The following PRKX variants were observed in gnomAD, a reference collection of about 807,000 sequenced individuals.
The protein encoded by PRKX is protein kinase cAMP-dependent X-linked catalytic subunit, also known as cAMP-dependent protein kinase catalytic subunit PRKX.
Under a neutral mutation model 22.0 loss-of-function variants are expected in PRKX, and 12 were observed. That is an observed-to-expected ratio of 0.54 (90% CI 0.35 to 0.88). The LOEUF (loss-of-function observed/expected upper bound fraction) is 0.88, where lower values mean the gene tolerates loss of function less well. Ranked by LOEUF, PRKX falls within the 40% of genes least tolerant of loss-of-function variation. The pLI is 0.01. For missense variants in PRKX, 217 were observed against 308.0 expected, an observed-to-expected ratio of 0.70 and a Z score of 2.21; for synonymous variants, 134 against 137.7, an observed-to-expected ratio of 0.97 and a Z score of 0.19.
intron 1 of PRKX, among the ~76,000 whole-genome samples, chrX:3,678,762 C>T (rs1308536870): frequency 8.9e-6 from 1 of 111,838 alleles, no homozygotes; most frequent in East Asian, 2.8e-4. Context: ...GGTAGATCTT[C>T]CCCGCTTGGT....
intron 3 of PRKX, among the ~76,000 whole-genome samples, chrX:3,647,806 C>T (rs1456009897): frequency 9.2e-6 from 1 of 109,121 alleles, no homozygotes; most frequent in African/African-American, 3.3e-5. Context: ...TCAACCCTCC[C>T]TACCGTCCAC....
chrX:3,663,457 CACACACACACAA>C (rs1191983652), intron 2 of PRKX, among the ~76,000 whole-genome samples: 2 of 79,758 alleles, frequency 2.5e-5, no homozygotes, highest in East Asian at 4.7e-4. Flanking sequence ...CACACACACA[CACACACACACAA>C]AAAAATTCAA....
intron 7 of PRKX, 113 bp from the exon 8 acceptor site, chrX:3,612,438 A>G (rs1926317020): frequency 1.2e-6 from 1 of 859,909 alleles, no homozygotes; most frequent in African/African-American, 2.0e-5. Flanking sequence ...ATGATTTGCA[A>G]AACACTAAAG....
chrX:3,687,685 T>C (rs1194942597), intron 1 of PRKX, among the ~76,000 whole-genome samples: 1 of 108,060 alleles, frequency 9.3e-6, no homozygotes, highest in African/African-American at 3.4e-5. Context: ...TCCCAGGGGC[T>C]AAAAAAAAAC....
chrX:3,634,920 C>T (rs1012648387), intron 4 of PRKX, among the ~76,000 whole-genome samples: 5 of 111,168 alleles, frequency 4.5e-5, no homozygotes, highest in African/African-American at 1.6e-4. Flanking sequence ...CCCAGGCTGG[C>T]CTCCAACTCC....
chrX:3,693,960 GAAAAGAA>G (rs1928392284), intron 1 of PRKX, among the ~76,000 whole-genome samples: 1 of 92,069 alleles, frequency 1.1e-5, no homozygotes, highest in African/African-American at 4.1e-5. Flanking sequence ...AAAAAAAAAA[GAAAAGAA>G]AATAGGGTCT....
At chrX:3,674,843 G>T in intron 1 of PRKX, 77 bp from the exon 2 acceptor site, 6 of 1,120,103 alleles carry the variant, frequency 5.4e-6, no homozygotes, top group East Asian at 3.0e-5. Flanking sequence ...TGCAATCAGC[G>T]GGGGGCTGCA....
chrX:3,664,645 AAT>A (rs1224022425), intron 2 of PRKX, among the ~76,000 whole-genome samples: 2 of 112,424 alleles, frequency 1.8e-5, no homozygotes, highest in African/African-American at 6.5e-5. Context: ...TAAAAAATAA[AAT>A]CATGTCTTTT....
chrX:3,610,586 A>C (rs1429851793), intron 8 of PRKX, among the ~76,000 whole-genome samples: 2 of 111,372 alleles, frequency 1.8e-5, no homozygotes, highest in Non-Finnish European at 3.8e-5. Context: ...ATACTTTCTC[A>C]ACAATGCATA....
At chrX:3,622,143 C>CA (rs199698914) in intron 5 of PRKX, among the ~76,000 whole-genome samples, 129 of 103,178 alleles carry the variant, frequency 1.3e-3, no homozygotes, top group South Asian at 7.1e-3. Context: ...GAGTCAGTCT[C>CA]AAAAAAAAAC....
intron 8 of PRKX, among the ~76,000 whole-genome samples, chrX:3,609,254 A>C (rs1228642996): frequency 1.8e-5 from 2 of 111,082 alleles, no homozygotes. Context: ...CTCCGCCTCC[A>C]TGTTCAAGTG....
At chrX:3,642,841 A>G (rs1196107090) in intron 3 of PRKX, among the ~76,000 whole-genome samples, 1 of 107,489 alleles carries the variant, frequency 9.3e-6, no homozygotes, top group Non-Finnish European at 1.9e-5. Flanking sequence ...TCTACTAAAA[A>G]TACAAAATTA....
chrX:3,630,905 G>T (rs989183850), intron 4 of PRKX, among the ~76,000 whole-genome samples: 3 of 111,741 alleles, frequency 2.7e-5, no homozygotes, highest in Non-Finnish European at 5.6e-5. Context: ...TCATCAACCA[G>T]TAAGTGTATA....
chrX:3,659,596 C>T (rs922058914), intron 2 of PRKX: 1 of 110,604 alleles, frequency 9.0e-6, no homozygotes, highest in Admixed American at 9.7e-5. Flanking sequence ...CACCTGTGTC[C>T]CACCTCTCCA....
chrX:3,642,109 A>C lies in PRKX; in HGVS notation c.600-138T>G, dbSNP rs147505062. 5.6e-4 allele frequency: 428 copies of C among 759,619 alleles called. 1 individual carries two copies. The African/African-American group carries it at 8.2e-3, about 15-fold the overall frequency. The allele number at this position is 759,619 out of a possible 1,213,427, so 62.6% of individuals were successfully genotyped here. Reference sequence around the variant, plus strand: ...TTTACCCTCCTGTGCACATATTTTAATGTGTAAAGACAGTAACATTGTTTT... The same window carrying C: ...TTTACCCTCCTGTGCACATATTTTACTGTGTAAAGACAGTAACATTGTTTT... On this transcript the variant is annotated intron_variant, in intron 3 of 8. Coordinates refer to ENST00000262848, the MANE Select transcript of PRKX (RefSeq NM_005044.5).
chrX:3,699,042 T>A (rs1425261754), intron 1 of PRKX, among the ~76,000 whole-genome samples: 4 of 104,763 alleles, frequency 3.8e-5, no homozygotes, highest in African/African-American at 1.5e-4. Flanking sequence ...ATTTTTATTT[T>A]ATTTTTTTTT....
intron 1 of PRKX, among the ~76,000 whole-genome samples, chrX:3,692,591 G>A (rs866562141): frequency 1.5e-4 from 16 of 104,519 alleles, no homozygotes; most frequent in Admixed American, 4.2e-4. Context: ...GCAGTGGCGC[G>A]ATCTCAGCTC....
chrX:3,688,873 A>T (rs1348608552), intron 1 of PRKX, among the ~76,000 whole-genome samples: 2 of 84,621 alleles, frequency 2.4e-5, no homozygotes, highest in South Asian at 4.9e-4. Context: ...CCATCTGTTT[A>T]AAAAAAAAAA....
At chrX:3,622,340 A>T (rs1926574926) in intron 5 of PRKX, among the ~76,000 whole-genome samples, 1 of 110,996 alleles carries the variant, frequency 9.0e-6, no homozygotes, top group Admixed American at 9.7e-5. Context: ...TATGTATAAT[A>T]ACATACATAA....
Sources: gnomAD v4.1 joint callset for allele counts (sites outside exome capture counted in the v4.1 genomes callset) on GRCh38, gnomAD v4.1.1 for gene constraint, MANE v1.5 for transcripts, NCBI Gene and HGNC (gene_info 2026-07-23, HGNC 2026-07-21) for gene names.